The following CTNNA2 variants were observed in gnomAD, a reference collection of about 807,000 sequenced individuals.
CTNNA2 encodes the protein catenin alpha-2.
Under a neutral mutation model 101.0 loss-of-function variants are expected in CTNNA2, and 42 were observed. That is an observed-to-expected ratio of 0.42 (90% CI 0.32 to 0.54). The LOEUF (loss-of-function observed/expected upper bound fraction) is 0.54. CTNNA2 is among the 20% of genes least tolerant of loss of function. The probability of loss-of-function intolerance (pLI) is 0.14; values close to 1 mark genes in which losing one functional copy is unlikely to be tolerated. For synonymous variants in CTNNA2, 450 were observed against 456.4 expected, an observed-to-expected ratio of 0.99 and a Z score of 0.18; for missense variants, 871 against 1,223.1, an observed-to-expected ratio of 0.71 and a Z score of 4.29.
chr2:80,397,982 C>CT (rs1678185522), intron 8 of CTNNA2, among the ~76,000 whole-genome samples: 1 of 152,120 alleles, frequency 6.6e-6, no homozygotes, highest in Non-Finnish European at 1.5e-5. Flanking sequence ...CTCTACAACT[C>CT]TAAGATTTGG....
Position 79,263,211 on chromosome 2 carries a change from C to T in CTNNA2, c.-405-49498C>T, listed in dbSNP as rs528394745. On this transcript the variant is annotated intron_variant, in intron 2 of 21. Transcript: ENST00000466387. ...ATTTTGTCTCTTCCAAATCTCATGTCGAAATGTGACTTCTGGTGTTGGAGA... is the reference window on the plus strand; with the variant it reads ...ATTTTGTCTCTTCCAAATCTCATGTTGAAATGTGACTTCTGGTGTTGGAGA... 2.6e-4 allele frequency among the ~76,000 whole-genome samples: 39 copies of T among 152,236 alleles called. 1 individual carries two copies. Among genetic ancestry groups the T allele is most frequent in the Admixed American group, 1.4e-3 (22 of 15,282 alleles).
intron 4 of CTNNA2, among the ~76,000 whole-genome samples, chr2:79,390,271 C>T (rs146202070): frequency 6.6e-6 from 1 of 152,140 alleles, no homozygotes; most frequent in Non-Finnish European, 1.5e-5. Flanking sequence ...TAAACAGAAC[C>T]TGGTGGATAA....
chr2:80,232,369 T>A (rs868476264), intron 7 of CTNNA2, among the ~76,000 whole-genome samples: 59 of 72,428 alleles, frequency 8.1e-4, no homozygotes, highest in Non-Finnish European at 2.1e-3. Flanking sequence ...TTTTTTTTTT[T>A]TTTTTTTTTT....
intron 6 of CTNNA2, among the ~76,000 whole-genome samples, chr2:79,881,238 T>G (rs527784288): frequency 6.6e-6 from 1 of 152,340 alleles, no homozygotes; most frequent in African/African-American, 2.4e-5. Context: ...AATTATGTGG[T>G]CAATTTTATA....
At chr2:79,962,929 G>A (rs1689751560) in intron 7 of CTNNA2, among the ~76,000 whole-genome samples, 2 of 151,992 alleles carry the variant, frequency 1.3e-5, no homozygotes, top group South Asian at 4.2e-4. Flanking sequence ...AAATTAACCG[G>A]GCGTAGTGGC....
At chr2:79,850,315 C>A (rs1680591726) in intron 3 of CTNNA2, among the ~76,000 whole-genome samples, 1 of 104,704 alleles carries the variant, frequency 9.6e-6, no homozygotes, top group Non-Finnish European at 1.8e-5. Flanking sequence ...CCCTTCCTTT[C>A]TTCCTTCATC....
chr2:80,072,610 T>C (rs1698414986), intron 7 of CTNNA2, among the ~76,000 whole-genome samples: 1 of 152,310 alleles, frequency 6.6e-6, no homozygotes, highest in African/African-American at 2.4e-5. Flanking sequence ...GACAGGGCTC[T>C]GGGGAGCTTG....
At chr2:79,641,524 C>T (rs980386826) in intron 1 of CTNNA2, among the ~76,000 whole-genome samples, 1 of 152,108 alleles carries the variant, frequency 6.6e-6, no homozygotes, top group South Asian at 2.1e-4. Flanking sequence ...ATCTGAATTG[C>T]GGTGTTGCTG....
intron 1 of CTNNA2, among the ~76,000 whole-genome samples, chr2:79,592,266 G>A (rs1676910335): frequency 6.6e-6 from 1 of 151,218 alleles, no homozygotes; most frequent in Non-Finnish European, 1.5e-5. Context: ...GATTACAGGT[G>A]CCCAACACCA....
intron 2 of CTNNA2, among the ~76,000 whole-genome samples, chr2:79,668,242 G>A (rs190888947): frequency 0.02 from 1,483 of 74,134 alleles, 28 homozygotes; most frequent in African/African-American, 0.078. Context: ...GCGAGACTCC[G>A]TCTCAAAAAA....
chr2:80,370,482 A>T (rs1048301152), intron 7 of CTNNA2, among the ~76,000 whole-genome samples: 15 of 152,146 alleles, frequency 9.9e-5, no homozygotes, highest in African/African-American at 3.6e-4. Flanking sequence ...ATATAGCCAT[A>T]ATAAGGCCAA....
In CTNNA2 at chr2:80,589,474, A is replaced by C. The variant is rs140894812; in HGVS notation, c.2178A>C (p.Thr726=). The change falls in exon 15 of 19, where the codon ACA becomes ACC. Residue 726 remains threonine (T), a synonymous_variant. Transcript: ENST00000402739. ...TGTGTATGATCATGATGGAAATGACAGACTTCACAAGGTGAGGCCCAGAGC... is the reference window on the plus strand; with the variant it reads ...TGTGTATGATCATGATGGAAATGACCGACTTCACAAGGTGAGGCCCAGAGC... ...KQMCMIMMEM[T]DFTRGKGPLK... 6.8e-6 allele frequency: 11 copies of C among 1,613,652 alleles called. No homozygotes were observed. In the African/African-American group the frequency reaches 1.1e-4, roughly 16 times the overall value.
At chr2:80,231,492 G>T (rs1304590517) in intron 7 of CTNNA2, among the ~76,000 whole-genome samples, 1 of 152,156 alleles carries the variant, frequency 6.6e-6, no homozygotes, top group Non-Finnish European at 1.5e-5. Flanking sequence ...TTCTCAATCA[G>T]CTGGGTGGAC....
chr2:79,354,770 A>G lies in CTNNA2; in HGVS notation c.-317-19061A>G, dbSNP rs1677468639. Reference sequence around the variant, plus strand: ...TTGCCCTGCAGTTGCTCCACTCACTACTTCCTTAGGAGCTGTTCAGAGCTA... The same window carrying G: ...TTGCCCTGCAGTTGCTCCACTCACTGCTTCCTTAGGAGCTGTTCAGAGCTA... On this transcript the variant is annotated intron_variant, in intron 3 of 21. Coordinates refer to the CTNNA2 transcript ENST00000466387. Among the ~76,000 whole-genome samples the G allele has an allele frequency of 1.3e-5, 2 of 152,094 alleles. 1 individual carries two copies. The highest frequency in any genetic ancestry group is 4.1e-4 in the South Asian group (2 of 4,828).
chr2:80,518,574 C>T (rs1036467074), intron 9 of CTNNA2, among the ~76,000 whole-genome samples: 1 of 152,174 alleles, frequency 6.6e-6, no homozygotes, highest in Non-Finnish European at 1.5e-5. Context: ...CTGTGATACT[C>T]AGTCTTCAGC....
chr2:80,162,006 T>C (rs1000323467), intron 7 of CTNNA2, among the ~76,000 whole-genome samples: 7 of 152,112 alleles, frequency 4.6e-5, no homozygotes, highest in African/African-American at 1.7e-4. Context: ...CCTTCTCAAA[T>C]AGAATGTTAG....
intron 2 of CTNNA2, among the ~76,000 whole-genome samples, chr2:79,306,591 G>T (rs919493198): frequency 6.6e-6 from 1 of 152,120 alleles, no homozygotes; most frequent in Non-Finnish European, 1.5e-5. Flanking sequence ...TAAATTTTAG[G>T]TATTGCAGAC....
chr2:80,466,177 G>A (rs1406008492), intron 9 of CTNNA2, among the ~76,000 whole-genome samples: 3 of 152,084 alleles, frequency 2.0e-5, no homozygotes, highest in Non-Finnish European at 2.9e-5. Flanking sequence ...CGGCATTCTA[G>A]CGTATAAAGT....
At chr2:80,596,573 A>G (rs984906400) in intron 15 of CTNNA2, among the ~76,000 whole-genome samples, 1 of 151,760 alleles carries the variant, frequency 6.6e-6, no homozygotes, top group Non-Finnish European at 1.5e-5. Context: ...TGGCCTCTCA[A>G]AGTGCTGGGA....
Sources: gnomAD v4.1 joint callset for allele counts (sites outside exome capture counted in the v4.1 genomes callset) on GRCh38, gnomAD v4.1.1 for gene constraint, MANE v1.5 for transcripts, NCBI Gene and HGNC (gene_info 2026-07-23, HGNC 2026-07-21) for gene names.